The following OSBPL9 variants were observed in gnomAD, a reference collection of about 807,000 sequenced individuals.
OSBPL9 encodes the protein oxysterol-binding protein-related protein 9.
A neutral mutation model predicts 106.6 loss-of-function variants in OSBPL9; 40 were observed. That is an observed-to-expected ratio of 0.38 (90% CI 0.29 to 0.49). The LOEUF is 0.49. Ranked by LOEUF, OSBPL9 falls within the 20% of genes least tolerant of loss-of-function variation. The pLI is 0.97. For synonymous variants in OSBPL9, 269 were observed against 295.4 expected (o/e 0.91, Z 0.92); for missense variants, 609 against 887.2 (o/e 0.69, Z 3.98).
In OSBPL9 at chr1:51,607,323, A is replaced by G. The variant is rs536771264; in HGVS notation, c.-352-6982A>G. ...ATCACAAGTGTGCACCACCACACCC[A>G]GCTAATTTTTGTACTTTTAGTAGAG... On this transcript the variant is annotated intron_variant, in intron 2 of 25. Coordinates refer to the OSBPL9 transcript ENST00000371714. Among the ~76,000 whole-genome samples, 909 of 151,812 alleles carry G rather than the reference A, an allele frequency of 6.0e-3. 10 individuals carry two copies. The highest frequency in any genetic ancestry group is 0.02 in the African/African-American group (848 of 41,442).
In OSBPL9 at chr1:51,745,516, T is replaced by G; in HGVS notation, c.319-20T>G. On this transcript the variant is annotated intron_variant, in intron 4 of 23. Transcript: ENST00000428468. Reference sequence around the variant, plus strand: ...TTTGCTTGGGTTCTGGTAGATTTATTGCAAATTCTCTTTCTCTAGGGTTTG... The same window carrying G: ...TTTGCTTGGGTTCTGGTAGATTTATGGCAAATTCTCTTTCTCTAGGGTTTG... 6.2e-7 allele frequency: 1 copy of G among 1,608,420 alleles called. No homozygotes were observed. The highest frequency in any genetic ancestry group is 8.5e-7 in the Non-Finnish European group (1 of 1,176,892).
intron 16 of OSBPL9, among the ~76,000 whole-genome samples, chr1:51,781,988 G>A (rs1366546040): frequency 6.6e-6 from 1 of 152,120 alleles, no homozygotes; most frequent in Admixed American, 6.6e-5. Context: ...AGAGTATAGT[G>A]TATTTAGATG....
At chr1:51,597,549 G>A (rs1374521688) in intron 1 of OSBPL9, among the ~76,000 whole-genome samples, 6 of 150,920 alleles carry the variant, frequency 4.0e-5, no homozygotes, top group African/African-American at 1.5e-4. Context: ...CACAGAAGAG[G>A]TCTTGGCTAC....
chr1:51,769,374 ACAT>A (rs1349633481), intron 12 of OSBPL9, among the ~76,000 whole-genome samples: 2 of 152,226 alleles, frequency 1.3e-5, no homozygotes, highest in African/African-American at 4.8e-5. Context: ...AGATAAAAGT[ACAT>A]GTTGGAAAGA....
At chr1:51,769,878 G>A (rs1673459508) in intron 12 of OSBPL9, among the ~76,000 whole-genome samples, 1 of 152,128 alleles carries the variant, frequency 6.6e-6, no homozygotes, top group African/African-American at 2.4e-5. Context: ...AGATTCATAT[G>A]TTATAGGATT....
At position 51,779,017 on chromosome 1, in the gene OSBPL9, C is replaced by A. The variant is rs1400835060; in HGVS notation, c.1256+2099C>A. ...CAATTAAGCAATGCACTTACATGGA[C>A]TTAATCTATGATACTAGAAACCAGA... is the stretch of plus-strand genomic sequence containing the variant. On this transcript the variant is annotated intron_variant, in intron 15 of 23. Coordinates refer to ENST00000428468, the MANE Select transcript of OSBPL9 (RefSeq NM_024586.6). Among the ~76,000 whole-genome samples, 3 of 152,132 alleles carry A rather than the reference C, an allele frequency of 2.0e-5. No individual in the cohort carries two copies. In the East Asian group the frequency reaches 5.8e-4, roughly 29 times the overall value.
chr1:51,643,630 G>A (rs1645948309), intron 1 of OSBPL9, among the ~76,000 whole-genome samples: 1 of 152,130 alleles, frequency 6.6e-6, no homozygotes, highest in African/African-American at 2.4e-5. Flanking sequence ...TTTATTTTAA[G>A]TGCAATGTAG....
At chr1:51,753,975 A>G (rs12068529) in intron 8 of OSBPL9, among the ~76,000 whole-genome samples, 146 of 152,312 alleles carry the variant, frequency 9.6e-4, no homozygotes, top group African/African-American at 3.2e-3. Context: ...CCACCTGGTT[A>G]GTGGAATTTT....
chr1:51,555,558 TTC>T, the OSBPL9 span, among the ~76,000 whole-genome samples: 1 of 152,040 alleles, frequency 6.6e-6, no homozygotes, highest in Non-Finnish European at 1.5e-5. Context: ...GAATTTAAGA[TTC>T]TTTTTTTATT....
intron 8 of OSBPL9, among the ~76,000 whole-genome samples, chr1:51,750,739 A>G (rs1481359952): frequency 1.3e-5 from 2 of 152,168 alleles, no homozygotes; most frequent in Non-Finnish European, 2.9e-5. Flanking sequence ...ACCTAAATAT[A>G]TATTTTATTG....
At chr1:51,752,692 G>C (rs1415470836) in intron 8 of OSBPL9, 2 of 379,714 alleles carry the variant, frequency 5.3e-6, no homozygotes, top group Non-Finnish European at 1.1e-5. Flanking sequence ...CTCTTGGCCT[G>C]TAGATAGCCA....
chr1:51,766,017 C>G, intron 12 of OSBPL9, 36 bp downstream of exon 12: 1 of 1,523,590 alleles, frequency 6.6e-7, no homozygotes, highest in South Asian at 1.3e-5. Context: ...TTAAATGATT[C>G]TCCTGATTTT....
At chr1:51,749,759 C>T (rs1012914007) in intron 7 of OSBPL9, among the ~76,000 whole-genome samples, 2 of 150,128 alleles carry the variant, frequency 1.3e-5, no homozygotes, top group African/African-American at 5.0e-5. Context: ...GCCAGCTACT[C>T]GGGAGGCTGA....
intron 3 of OSBPL9, among the ~76,000 whole-genome samples, chr1:51,711,776 G>C (rs1221378261): frequency 2.7e-5 from 4 of 150,232 alleles, no homozygotes; most frequent in Non-Finnish European, 4.4e-5. Flanking sequence ...TCCCAGATGG[G>C]GCGGCGGGGC....
chr1:51,527,843 T>A, the OSBPL9 span, among the ~76,000 whole-genome samples: 4,823 of 152,048 alleles, frequency 0.032, 123 homozygotes, highest in East Asian at 0.13. Flanking sequence ...CCGGGCACCG[T>A]GGCTCATGCC....
intron 3 of OSBPL9, among the ~76,000 whole-genome samples, chr1:51,698,000 G>A (rs1006859064): frequency 6.6e-6 from 1 of 151,962 alleles, no homozygotes; most frequent in Non-Finnish European, 1.5e-5. Flanking sequence ...TTTCATGTAT[G>A]TCAGGCATCG....
At chr1:51,626,481 C>T (rs997953663) in intron 1 of OSBPL9, among the ~76,000 whole-genome samples, 2 of 151,890 alleles carry the variant, frequency 1.3e-5, no homozygotes, top group African/African-American at 4.8e-5. Flanking sequence ...TCATTTTATA[C>T]AGACATTTTT....
chr1:51,590,329 A>T (rs1570533587), intron 1 of OSBPL9, among the ~76,000 whole-genome samples: 1 of 151,832 alleles, frequency 6.6e-6, no homozygotes, highest in African/African-American at 2.4e-5. Flanking sequence ...GGTAAAAAAA[A>T]AAATCACGTG....
chr1:51,698,051 C>A (rs978072781), intron 3 of OSBPL9, among the ~76,000 whole-genome samples: 6 of 152,020 alleles, frequency 3.9e-5, no homozygotes, highest in African/African-American at 1.4e-4. Context: ...AATCTCACAA[C>A]CTTATAAGGC....
Sources: gnomAD v4.1 joint callset for allele counts (sites outside exome capture counted in the v4.1 genomes callset) on GRCh38, gnomAD v4.1.1 for gene constraint, MANE v1.5 for transcripts, NCBI Gene and HGNC (gene_info 2026-07-23, HGNC 2026-07-21) for gene names.